Variants in POLGARF observed in about 807,000 individuals in gnomAD.
The protein encoded by POLGARF is POLG alternative reading frame.
chr15:89,332,236 T>C, the POLGARF span: 1 of 152,236 alleles, frequency 6.6e-6, no homozygotes, highest in Non-Finnish European at 1.5e-5. Context: ...TTTAGCCATG[T>C]TTTCACCATT....
the POLGARF span, chr15:89,330,411 T>G: frequency 1.3e-6 from 1 of 744,830 alleles, no homozygotes; most frequent in Non-Finnish European, 2.3e-6. Context: ...CAAAGGGTGC[T>G]CCTAACTCAA....
the POLGARF span, among the ~76,000 whole-genome samples, chr15:89,331,906 C>G: frequency 2.6e-5 from 4 of 151,362 alleles, no homozygotes; most frequent in African/African-American, 9.7e-5. Context: ...AGAATGAGGG[C>G]AGAGCAGGGA....
At chr15:89,332,983 G>T in the POLGARF span, 2 of 1,377,698 alleles carry the variant, frequency 1.5e-6, no homozygotes, top group South Asian at 1.7e-5. Context: ...ACACATCAGC[G>T]CTCCCTACGT....
the POLGARF span, chr15:89,333,330 A>G: frequency 6.4e-7 from 1 of 1,559,706 alleles, no homozygotes; most frequent in East Asian, 2.4e-5. Context: ...CTTCTGGGCC[A>G]GGAGGCGGAA....
At chr15:89,331,467 A>G in the POLGARF span, among the ~76,000 whole-genome samples, 2 of 152,270 alleles carry the variant, frequency 1.3e-5, no homozygotes, top group Admixed American at 6.5e-5. Context: ...AAGCCATATT[A>G]TAAACTAGTG....
chr15:89,331,075 T>C, the POLGARF span, among the ~76,000 whole-genome samples: 1 of 152,164 alleles, frequency 6.6e-6, no homozygotes, highest in Non-Finnish European at 1.5e-5. Flanking sequence ...CCACTCAGCA[T>C]CAAAGTGAGT....
chr15:89,333,241 C>T, the POLGARF span: 1 of 1,579,292 alleles, frequency 6.3e-7, no homozygotes, highest in Non-Finnish European at 8.6e-7. Flanking sequence ...CAGCCCTCCG[C>T]CCAGGCCCAA....
At chr15:89,333,371 C>A in the POLGARF span, 9 of 1,576,876 alleles carry the variant, frequency 5.7e-6, no homozygotes, top group Non-Finnish European at 7.7e-6. Flanking sequence ...CGTAGAGGGG[C>A]GGCAGGCGCA....
the POLGARF span, among the ~76,000 whole-genome samples, chr15:89,330,873 G>T: frequency 6.9e-6 from 1 of 145,558 alleles, no homozygotes; most frequent in African/African-American, 2.5e-5. Flanking sequence ...GAAAGTGCCA[G>T]AATGAGAAAA....
chr15:89,331,642 G>A, the POLGARF span, among the ~76,000 whole-genome samples: 1 of 152,180 alleles, frequency 6.6e-6, no homozygotes, highest in East Asian at 1.9e-4. Flanking sequence ...CCTGTGGGAG[G>A]CTCATAGCTG....
chr15:89,333,614 CTG>C, the POLGARF span: 1 of 1,600,566 alleles, frequency 6.2e-7, no homozygotes, highest in African/African-American at 1.3e-5. Context: ...GCTGCTGCTG[CTG>C]CTGCTGCTGC....
the POLGARF span, among the ~76,000 whole-genome samples, chr15:89,332,613 C>T: frequency 3.3e-5 from 2 of 60,434 alleles, no homozygotes; most frequent in Admixed American, 3.4e-4. Context: ...GGCAGGGGGG[C>T]GGGGGGGTGT....
chr15:89,331,786 C>G, the POLGARF span, among the ~76,000 whole-genome samples: 1 of 151,986 alleles, frequency 6.6e-6, no homozygotes, highest in Admixed American at 6.6e-5. Context: ...CCCCACCCAC[C>G]AGTCAGACTC....
At chr15:89,333,530 G>A in the POLGARF span, 5 of 1,612,724 alleles carry the variant, frequency 3.1e-6, 1 homozygote, top group South Asian at 2.2e-5. Flanking sequence ...GCATCTGGAT[G>A]TCCAATGGGT....
the POLGARF span, chr15:89,330,332 A>G: frequency 7.5e-7 from 1 of 1,336,222 alleles, no homozygotes; most frequent in South Asian, 1.2e-5. Flanking sequence ...CTTCCACTCC[A>G]CAACAACCAC....
chr15:89,333,401 C>T, the POLGARF span: 1 of 1,600,034 alleles, frequency 6.2e-7, no homozygotes, highest in Non-Finnish European at 8.5e-7. Context: ...CGGGCAAGGG[C>T]ACGGCTGGCT....
chr15:89,331,177 A>G, the POLGARF span, among the ~76,000 whole-genome samples: 1 of 152,212 alleles, frequency 6.6e-6, no homozygotes, highest in Admixed American at 6.5e-5. Flanking sequence ...AACAGATTCA[A>G]CACACATAAA....
the POLGARF span, among the ~76,000 whole-genome samples, chr15:89,331,613 C>A: frequency 2.6e-5 from 4 of 152,220 alleles, no homozygotes; most frequent in African/African-American, 9.7e-5. Flanking sequence ...CTTACCAACA[C>A]CCTTTGGGAA....
the POLGARF span, chr15:89,333,393 G>A: frequency 6.3e-7 from 1 of 1,592,748 alleles, no homozygotes; most frequent in Non-Finnish European, 8.5e-7. Flanking sequence ...CTCCACGTCG[G>A]GCAAGGGCAC....
Sources: gnomAD v4.1 joint callset for allele counts (sites outside exome capture counted in the v4.1 genomes callset) on GRCh38, gnomAD v4.1.1 for gene constraint, MANE v1.5 for transcripts, NCBI Gene and HGNC (gene_info 2026-07-23, HGNC 2026-07-21) for gene names.